FHIT: variants seen among roughly 807,000 people sequenced by gnomAD.
The protein encoded by FHIT is bis(5'-adenosyl)-triphosphatase.
In FHIT, 19 loss-of-function variants were observed where a neutral mutation model predicts 17.9. That is an observed-to-expected ratio of 1.06 (90% CI 0.74 to 1.56). FHIT has a LOEUF of 1.56. Among genes scored for constraint, FHIT ranks in the 40% most tolerant of loss-of-function variants. FHIT has a pLI of 0.00. For synonymous variants in FHIT, 81 were observed against 69.7 expected, an observed-to-expected ratio of 1.16 and a Z score of -0.81; for missense variants, 248 against 189.2, an observed-to-expected ratio of 1.31 and a Z score of -1.82.
At chr3:61,047,945 C>A (rs1208699852) in intron 2 of FHIT, among the ~76,000 whole-genome samples, 1 of 148,674 alleles carries the variant, frequency 6.7e-6, no homozygotes. Context: ...AAACTGGATC[C>A]CTTCCTTACA....
At chr3:59,774,700 G>C (rs1210393558) in intron 8 of FHIT, among the ~76,000 whole-genome samples, 1 of 152,130 alleles carries the variant, frequency 6.6e-6, no homozygotes. Context: ...ACCTAGGAGA[G>C]TGGCATCATT....
chr3:60,871,393 A>T (rs1296069858), intron 3 of FHIT, among the ~76,000 whole-genome samples: 1 of 152,060 alleles, frequency 6.6e-6, no homozygotes, highest in Admixed American at 6.6e-5. Context: ...CTACTATCAA[A>T]CTACTCAGCA....
At chr3:60,526,536 G>C (rs1392415693) in intron 5 of FHIT, among the ~76,000 whole-genome samples, 1 of 152,148 alleles carries the variant, frequency 6.6e-6, no homozygotes, top group Non-Finnish European at 1.5e-5. Flanking sequence ...AGGTGAAATA[G>C]TGTAGAAAAG....
At chr3:60,156,507 G>A (rs1700700905) in intron 5 of FHIT, among the ~76,000 whole-genome samples, 1 of 152,142 alleles carries the variant, frequency 6.6e-6, no homozygotes, top group Non-Finnish European at 1.5e-5. Flanking sequence ...CCAGCACTTT[G>A]GGAGGCCAAG....
chr3:61,114,376 T>C (rs6775705), intron 2 of FHIT, among the ~76,000 whole-genome samples: 8,686 of 152,244 alleles, frequency 0.057, 851 homozygotes, highest in African/African-American at 0.2. Flanking sequence ...TTAACATTTG[T>C]CCTACTGTGA....
At chr3:60,931,813 C>G (rs1707970931) in intron 3 of FHIT, among the ~76,000 whole-genome samples, 1 of 152,194 alleles carries the variant, frequency 6.6e-6, no homozygotes, top group Admixed American at 6.5e-5. Context: ...CCGGCAGTAG[C>G]TATTTAAATT....
intron 5 of FHIT, among the ~76,000 whole-genome samples, chr3:60,234,561 T>C (rs188008636): frequency 2.6e-4 from 39 of 152,330 alleles, no homozygotes; most frequent in African/African-American, 8.7e-4. Flanking sequence ...GCTAAATGTA[T>C]TGTTGCCAGA....
intron 7 of FHIT, among the ~76,000 whole-genome samples, chr3:59,953,683 A>C (rs1707242236): frequency 6.6e-6 from 1 of 152,190 alleles, no homozygotes; most frequent in Non-Finnish European, 1.5e-5. Flanking sequence ...GGCCAAACAG[A>C]ATCTAAAACC....
chr3:61,013,064 G>C (rs1316286577), intron 3 of FHIT, among the ~76,000 whole-genome samples: 1 of 152,046 alleles, frequency 6.6e-6, no homozygotes, highest in Non-Finnish European at 1.5e-5. Flanking sequence ...ATTTTTAAAT[G>C]TCAATAATAA....
intron 5 of FHIT, among the ~76,000 whole-genome samples, chr3:60,374,044 T>C (rs886275265): frequency 6.6e-6 from 1 of 152,222 alleles, no homozygotes; most frequent in Non-Finnish European, 1.5e-5. Context: ...TTGGTTCCTC[T>C]TGAAATTTAC....
chr3:60,368,549 C>T (rs1426180791), intron 5 of FHIT, among the ~76,000 whole-genome samples: 2 of 151,996 alleles, frequency 1.3e-5, no homozygotes, highest in Non-Finnish European at 1.5e-5. Context: ...TATATACACA[C>T]ACATATGTTC....
intron 5 of FHIT, among the ~76,000 whole-genome samples, chr3:60,347,304 A>T (rs867655489): frequency 6.6e-6 from 1 of 152,234 alleles, no homozygotes; most frequent in Admixed American, 6.5e-5. Context: ...TCATAGGTTC[A>T]TTAAAATAAT....
intron 5 of FHIT, among the ~76,000 whole-genome samples, chr3:60,381,161 G>A (rs575726660): frequency 6.6e-6 from 1 of 152,214 alleles, no homozygotes; most frequent in Non-Finnish European, 1.5e-5. Context: ...TTTAGCAGAA[G>A]TATATTGCTT....
intron 8 of FHIT, among the ~76,000 whole-genome samples, chr3:59,846,040 G>T (rs1575582125): frequency 6.6e-6 from 1 of 152,042 alleles, no homozygotes; most frequent in Non-Finnish European, 1.5e-5. Context: ...AAACCATTTT[G>T]TCAACCTCTG....
At chr3:59,992,347 G>T (rs779583122) in intron 7 of FHIT, among the ~76,000 whole-genome samples, 15 of 152,042 alleles carry the variant, frequency 9.9e-5, no homozygotes, top group Non-Finnish European at 2.1e-4. Flanking sequence ...CAATTAAGCT[G>T]CCCAAGGGGT....
intron 3 of FHIT, among the ~76,000 whole-genome samples, chr3:60,965,434 C>T (rs1334427014): frequency 2.0e-5 from 3 of 152,216 alleles, no homozygotes; most frequent in Non-Finnish European, 4.4e-5. Context: ...CTTCTTCACT[C>T]AACTTGTCAA....
intron 5 of FHIT, among the ~76,000 whole-genome samples, chr3:60,110,158 T>C (rs1215198867): frequency 6.6e-6 from 1 of 152,074 alleles, no homozygotes; most frequent in East Asian, 1.9e-4. Context: ...ACACGGGGGG[T>C]TGGGCTACCT....
At chr3:61,104,740 A>G (rs568637041) in intron 2 of FHIT, among the ~76,000 whole-genome samples, 3 of 152,156 alleles carry the variant, frequency 2.0e-5, no homozygotes, top group Admixed American at 2.0e-4. Context: ...ACATAATCCC[A>G]TATTTCTCAG....
intron 1 of FHIT, among the ~76,000 whole-genome samples, chr3:61,200,927 A>G (rs2038992880): frequency 6.6e-6 from 1 of 152,166 alleles, no homozygotes; most frequent in East Asian, 1.9e-4. Context: ...TGGAGTGTGT[A>G]CTCCTCAACA....
Sources: gnomAD v4.1 joint callset for allele counts (sites outside exome capture counted in the v4.1 genomes callset) on GRCh38, gnomAD v4.1.1 for gene constraint, MANE v1.5 for transcripts, NCBI Gene and HGNC (gene_info 2026-07-23, HGNC 2026-07-21) for gene names.